HADH: variants seen among roughly 807,000 people sequenced by gnomAD.
HADH encodes hydroxyacyl-coenzyme A dehydrogenase, mitochondrial.
In HADH, 24 loss-of-function variants were observed where a neutral mutation model predicts 32.2. The ratio of observed to expected loss-of-function variants is 0.75; its 90% confidence interval spans 0.54 to 1.05. The LOEUF is 1.05. Among genes scored for constraint, HADH ranks in the 50% least tolerant of loss-of-function variants. HADH has a pLI of 0.00. For missense variants in HADH, 350 were observed against 397.1 expected (o/e 0.88, Z 1.01); for synonymous variants, 139 against 152.5 (o/e 0.91, Z 0.65).
intron 1 of HADH, among the ~76,000 whole-genome samples, chr4:108,007,496 G>A (rs545135498): frequency 1.3e-5 from 2 of 152,290 alleles, no homozygotes; most frequent in Non-Finnish European, 2.9e-5. Context: ...TAAGACAAGT[G>A]TACTAATAAT....
rs551883965 is a variant in HADH, at chr4:108,013,182, C to A, written c.262-1249C>A. Among the ~76,000 whole-genome samples, 127 of 152,294 alleles carry A rather than the reference C, an allele frequency of 8.3e-4. 1 individual carries two copies. The highest frequency in any genetic ancestry group is 1.5e-3 in the Non-Finnish European group (102 of 68,022). On this transcript the variant is annotated intron_variant, in intron 2 of 7. Transcript: ENST00000309522. ...TCCTAACCTCGTGATCCGCCTGCCTCGGCCTCCCGAAGTGCTGGGATTACA... is the reference window on the plus strand; with the variant it reads ...TCCTAACCTCGTGATCCGCCTGCCTAGGCCTCCCGAAGTGCTGGGATTACA...
intron 4 of HADH, among the ~76,000 whole-genome samples, chr4:108,023,229 T>C (rs1735952221): frequency 6.6e-6 from 1 of 152,200 alleles, no homozygotes; most frequent in Non-Finnish European, 1.5e-5. Flanking sequence ...CTTGACTTCA[T>C]GATCTGCCCG....
intron 4 of HADH, among the ~76,000 whole-genome samples, chr4:108,020,825 C>T (rs1735863796): frequency 6.6e-6 from 1 of 152,198 alleles, no homozygotes; most frequent in Non-Finnish European, 1.5e-5. Context: ...GCTGTGGCCT[C>T]TCTGGGAGTG....
At chr4:108,013,182 C>T (rs551883965) in intron 2 of HADH, among the ~76,000 whole-genome samples, 1 of 152,178 alleles carries the variant, frequency 6.6e-6, no homozygotes, top group African/African-American at 2.4e-5. Flanking sequence ...CCGCCTGCCT[C>T]GGCCTCCCGA....
chr4:108,004,837 C>G, intron 1 of HADH: 1 of 1,535,924 alleles, frequency 6.5e-7, no homozygotes, highest in Non-Finnish European at 8.7e-7. Context: ...GAGGAAGGAA[C>G]ATGACCCTGC....
intron 1 of HADH, among the ~76,000 whole-genome samples, chr4:108,003,673 G>T (rs1370580600): frequency 6.6e-6 from 1 of 152,090 alleles, no homozygotes; most frequent in South Asian, 2.1e-4. Context: ...ACTTGAAAAT[G>T]AAAACTGAAA....
chr4:107,997,478 C>T (rs966977349), intron 1 of HADH, among the ~76,000 whole-genome samples: 2 of 152,074 alleles, frequency 1.3e-5, no homozygotes, highest in African/African-American at 4.8e-5. Flanking sequence ...TGTGCTTCTG[C>T]TTGGCATGTT....
intron 1 of HADH, among the ~76,000 whole-genome samples, chr4:107,996,089 C>G (rs1424686836): frequency 6.6e-6 from 1 of 152,180 alleles, no homozygotes; most frequent in Admixed American, 6.5e-5. Flanking sequence ...ATCAGTGTCT[C>G]CATACCAGAA....
intron 1 of HADH, chr4:108,004,331 G>T (rs528854491): frequency 1.6e-4 from 46 of 281,878 alleles, no homozygotes; most frequent in African/African-American, 1.0e-3. Flanking sequence ...CCCTAGGGGA[G>T]CACAAGTCTT....
At chr4:108,006,554 TC>T (rs1002806770) in intron 1 of HADH, among the ~76,000 whole-genome samples, 3 of 152,220 alleles carry the variant, frequency 2.0e-5, no homozygotes, top group African/African-American at 7.2e-5. Context: ...TTGGTGAGCA[TC>T]AGAGTCACTT....
intron 2 of HADH, among the ~76,000 whole-genome samples, chr4:108,010,636 T>TG (rs1735454681): frequency 6.6e-6 from 1 of 152,228 alleles, no homozygotes; most frequent in African/African-American, 2.4e-5. Flanking sequence ...AGGTGGTATA[T>TG]CTAGATGCTT....
At chr4:108,032,549 T>G in intron 6 of HADH, 1 of 513,008 alleles carries the variant, frequency 1.9e-6, no homozygotes, top group Non-Finnish European at 3.6e-6. Flanking sequence ...TGCTGTAGCA[T>G]TAAATTATAC....
chr4:108,007,408 G>A (rs1347902948), intron 1 of HADH, among the ~76,000 whole-genome samples: 1 of 152,116 alleles, frequency 6.6e-6, no homozygotes, highest in East Asian at 1.9e-4. Flanking sequence ...TGCCTGGCAA[G>A]GCTTAAGTTC....
chr4:107,995,320 C>T (rs903047941), intron 1 of HADH, among the ~76,000 whole-genome samples: 3 of 152,144 alleles, frequency 2.0e-5, no homozygotes, highest in Non-Finnish European at 2.9e-5. Flanking sequence ...ATGAGACTCA[C>T]CTGACAGCTG....
intron 1 of HADH, among the ~76,000 whole-genome samples, chr4:107,999,467 T>C (rs1295993358): frequency 1.3e-5 from 2 of 152,242 alleles, no homozygotes; most frequent in African/African-American, 4.8e-5. Context: ...AGACTCTGGC[T>C]ATTAGCTCCT....
intron 6 of HADH, chr4:108,030,297 C>T (rs1736217179): frequency 6.6e-6 from 1 of 152,582 alleles, no homozygotes; most frequent in African/African-American, 2.4e-5. Flanking sequence ...TCTGTCATCA[C>T]AACTCTTCTT....
intron 6 of HADH, chr4:108,032,151 G>A: frequency 2.1e-6 from 1 of 478,782 alleles, no homozygotes; most frequent in Non-Finnish European, 3.8e-6. Context: ...TGATCTGATT[G>A]ACTTCTTAAT....
rs201019894 is a variant in HADH, at chr4:108,032,331, C to G, written c.710-845C>G. On this transcript the variant is annotated intron_variant, in intron 6 of 7. Coordinates refer to ENST00000309522, the MANE Select transcript of HADH (RefSeq NM_005327.7). ...TTGTCGTAGTCTACTCAACAGACTTCCAAACGTGTGGTGATTCTAACTCGG... is the reference window on the plus strand; with the variant it reads ...TTGTCGTAGTCTACTCAACAGACTTGCAAACGTGTGGTGATTCTAACTCGG... The G allele has an allele frequency of 1.0e-3, 1,598 of 1,597,168 alleles. 1 individual carries two copies. The highest frequency in any genetic ancestry group is 1.3e-3 in the Non-Finnish European group (1,482 of 1,167,056).
chr4:108,025,977 G>GA (rs1736055398), intron 5 of HADH: 1 of 152,178 alleles, frequency 6.6e-6, no homozygotes, highest in Non-Finnish European at 1.5e-5. Flanking sequence ...TACAGTGGGG[G>GA]AAAAACCTTT....
Sources: allele counts gnomAD v4.1 joint callset (sites outside exome capture counted in the v4.1 genomes callset), GRCh38; gene constraint gnomAD v4.1.1; transcripts MANE v1.5; gene names NCBI Gene and HGNC (gene_info 2026-07-23, HGNC 2026-07-21).